Variants in SUSD4 observed in about 807,000 individuals in gnomAD.
The protein encoded by SUSD4 is sushi domain-containing protein 4.
Under a neutral mutation model 50.5 loss-of-function variants are expected in SUSD4, and 41 were observed. The observed-to-expected ratio is 0.81, with a 90% confidence interval of 0.63 to 1.05. The LOEUF is 1.05. SUSD4 is among the 50% of genes least tolerant of loss of function. SUSD4 has a pLI of 0.00. For synonymous variants in SUSD4, 257 were observed against 257.3 expected (o/e 1.00, Z 0.01); for missense variants, 580 against 634.7 (o/e 0.91, Z 0.93).
intron 2 of SUSD4, among the ~76,000 whole-genome samples, chr1:223,301,190 C>T (rs972388890): frequency 6.6e-6 from 1 of 152,154 alleles, no homozygotes; most frequent in African/African-American, 2.4e-5. Flanking sequence ...TCTGTTAAAA[C>T]AGGGCTGAGC....
At chr1:223,361,143 A>G (rs1668952775) in intron 2 of SUSD4, among the ~76,000 whole-genome samples, 2 of 152,218 alleles carry the variant, frequency 1.3e-5, no homozygotes, top group African/African-American at 2.4e-5. Context: ...TAGAAGCACA[A>G]GTCTAGAGCT....
At chr1:223,301,088 C>T (rs1665162417) in intron 2 of SUSD4, among the ~76,000 whole-genome samples, 1 of 152,172 alleles carries the variant, frequency 6.6e-6, no homozygotes, top group Admixed American at 6.5e-5. Flanking sequence ...CCTTTTCCTA[C>T]CATATTTCAG....
chr1:223,312,173 C>T (rs1168384674), intron 2 of SUSD4, among the ~76,000 whole-genome samples: 1 of 152,188 alleles, frequency 6.6e-6, no homozygotes, highest in African/African-American at 2.4e-5. Flanking sequence ...TTGGATCCTG[C>T]AGGCCCAGAT....
intron 2 of SUSD4, among the ~76,000 whole-genome samples, chr1:223,297,308 TG>T (rs1459000849): frequency 1.3e-5 from 2 of 152,228 alleles, no homozygotes; most frequent in Non-Finnish European, 2.9e-5. Context: ...CAGCTGCTCA[TG>T]GACTAGGCCC....
At chr1:223,310,055 C>T (rs1312757091) in intron 2 of SUSD4, among the ~76,000 whole-genome samples, 1 of 152,152 alleles carries the variant, frequency 6.6e-6, no homozygotes, top group East Asian at 1.9e-4. Flanking sequence ...TGGACACTTT[C>T]AGGTGCAGGC....
At chr1:223,260,019 C>G (rs1197904720) in intron 5 of SUSD4, among the ~76,000 whole-genome samples, 1 of 152,160 alleles carries the variant, frequency 6.6e-6, no homozygotes, top group Non-Finnish European at 1.5e-5. Context: ...AAACATGCTA[C>G]TATTGGTCTC....
intron 5 of SUSD4, among the ~76,000 whole-genome samples, chr1:223,234,476 A>C (rs1012772862): frequency 6.6e-6 from 1 of 152,206 alleles, no homozygotes. Flanking sequence ...CCGTGTCTCT[A>C]GAGTTTTTCT....
chr1:223,292,375 G>A (rs1011456628), intron 3 of SUSD4, 64 bp downstream of exon 3: 8 of 1,564,208 alleles, frequency 5.1e-6, no homozygotes, highest in Non-Finnish European at 6.2e-6. Flanking sequence ...ACACAGCCCT[G>A]CACCCCTGTG....
chr1:223,283,712 C>T (rs1044793725), intron 3 of SUSD4, among the ~76,000 whole-genome samples: 5 of 152,132 alleles, frequency 3.3e-5, no homozygotes, highest in African/African-American at 1.2e-4. Flanking sequence ...ACCATTTGAC[C>T]CAGCCATCCC....
chr1:223,324,821 T>C (rs1666781481), intron 2 of SUSD4, among the ~76,000 whole-genome samples: 1 of 151,902 alleles, frequency 6.6e-6, no homozygotes, highest in African/African-American at 2.4e-5. Context: ...TGGACACTGA[T>C]GGGTACAAGC....
At chr1:223,245,499 G>A (rs1334050924) in intron 5 of SUSD4, among the ~76,000 whole-genome samples, 1 of 152,152 alleles carries the variant, frequency 6.6e-6, no homozygotes, top group African/African-American at 2.4e-5. Context: ...GTGGCTGAGT[G>A]TGCAGGAGAC....
intron 2 of SUSD4, chr1:223,359,243 G>A: frequency 4.7e-6 from 2 of 423,346 alleles, no homozygotes; most frequent in Admixed American, 2.8e-5. Context: ...GAGCTTCTAG[G>A]ACTTTTACAA....
At chr1:223,290,979 C>A (rs1289411205) in intron 3 of SUSD4, among the ~76,000 whole-genome samples, 1 of 151,906 alleles carries the variant, frequency 6.6e-6, no homozygotes, top group Non-Finnish European at 1.5e-5. Context: ...AACCAAGTAA[C>A]CTTTAAATAG....
intron 2 of SUSD4, among the ~76,000 whole-genome samples, chr1:223,321,264 C>A (rs530330043): frequency 6.6e-6 from 1 of 152,172 alleles, no homozygotes; most frequent in Admixed American, 6.5e-5. Context: ...AGGCAGTACA[C>A]GGCAAAGACA....
chr1:223,255,405 A>G (rs1216132215), intron 5 of SUSD4, among the ~76,000 whole-genome samples: 1 of 152,190 alleles, frequency 6.6e-6, no homozygotes, highest in Non-Finnish European at 1.5e-5. Flanking sequence ...CAAGCCAATC[A>G]TTTCATTGCT....
intron 3 of SUSD4, among the ~76,000 whole-genome samples, chr1:223,269,343 A>G (rs1338215767): frequency 6.6e-6 from 1 of 152,214 alleles, no homozygotes; most frequent in African/African-American, 2.4e-5. Context: ...ATAGGAGAAG[A>G]GGCAAGGCTG....
chr1:223,268,447 A>C, intron 4 of SUSD4, 55 bp downstream of exon 4: 1 of 1,567,494 alleles, frequency 6.4e-7, no homozygotes, highest in Non-Finnish European at 8.6e-7. Context: ...CACAGTCTAC[A>C]ATAAAGTCCG....
Position 223,223,603 on chromosome 1 carries a change from G to T in SUSD4, c.1090C>A (p.Pro364Thr). The change falls in exon 8 of 9, where the codon CCT (proline) becomes ACT (threonine). Residue 364 changes from proline to threonine, a missense_variant. Pro to Thr is a conservative substitution (Grantham distance 38). Transcript: ENST00000366878. ...ACGCCGTCTACCACCACAAAGTCAGGGTCACTGCTGGAACTCCGGGGAGGC... is the reference window on the plus strand; with the variant it reads ...ACGCCGTCTACCACCACAAAGTCAGTGTCACTGCTGGAACTCCGGGGAGGC... ...RGPPRSSSSD[P>T]DFVVVDGVPV... 6.2e-7 allele frequency: 1 copy of T among 1,610,570 alleles called. No individual in the cohort carries two copies. The highest frequency in any genetic ancestry group is 2.2e-5 in the East Asian group (1 of 44,774).
chr1:223,338,343 C>T (rs1416575343), intron 2 of SUSD4, among the ~76,000 whole-genome samples: 1 of 152,110 alleles, frequency 6.6e-6, no homozygotes, highest in African/African-American at 2.4e-5. Flanking sequence ...GCACAAGTAC[C>T]CAGGGAACCT....
Sources: allele counts gnomAD v4.1 joint callset (sites outside exome capture counted in the v4.1 genomes callset), GRCh38; gene constraint gnomAD v4.1.1; transcripts MANE v1.5; gene names NCBI Gene and HGNC (gene_info 2026-07-23, HGNC 2026-07-21).